The following SDK2 variants were observed in gnomAD, a reference collection of about 807,000 sequenced individuals.
The protein encoded by SDK2 is protein sidekick-2.
In SDK2, 105 loss-of-function variants were observed where a neutral mutation model predicts 253.9. That is an observed-to-expected ratio of 0.41 (90% CI 0.35 to 0.49). The LOEUF (loss-of-function observed/expected upper bound fraction) is 0.49, where lower values mean the gene tolerates loss of function less well. Among genes scored for constraint, SDK2 ranks in the 20% least tolerant of loss-of-function variants. The pLI is 0.06. For missense variants in SDK2, 2,608 were observed against 3,003.0 expected, an observed-to-expected ratio of 0.87 and a Z score of 3.07; for synonymous variants, 1,249 against 1,234.9, an observed-to-expected ratio of 1.01 and a Z score of -0.24.
At chr17:73,418,021 T>TG (rs938607924) in intron 16 of SDK2, among the ~76,000 whole-genome samples, 1 of 148,530 alleles carries the variant, frequency 6.7e-6, no homozygotes, top group African/African-American at 2.5e-5. Context: ...TTTTTTTTTT[T>TG]TTTTTTTGTT....
intron 2 of SDK2, among the ~76,000 whole-genome samples, chr17:73,498,903 G>T (rs2063864450): frequency 6.6e-6 from 1 of 152,184 alleles, no homozygotes; most frequent in Non-Finnish European, 1.5e-5. Flanking sequence ...GAAGATCCTG[G>T]GTGAAACCTG....
chr17:73,425,206 C>T (rs965571795), intron 12 of SDK2, among the ~76,000 whole-genome samples: 3 of 151,740 alleles, frequency 2.0e-5, no homozygotes, highest in African/African-American at 4.8e-5. Context: ...GGCGACACAG[C>T]AAAACTCCAT....
At chr17:73,471,992 T>G (rs893435438) in intron 3 of SDK2, 120 bp downstream of exon 3, 1 of 716,398 alleles carries the variant, frequency 1.4e-6, no homozygotes, top group African/African-American at 1.8e-5. Context: ...AGGGGCACCA[T>G]GGGCACTCAG....
chr17:73,371,287 T>C (rs1330206502), intron 36 of SDK2, among the ~76,000 whole-genome samples: 1 of 151,790 alleles, frequency 6.6e-6, no homozygotes, highest in Non-Finnish European at 1.5e-5. Flanking sequence ...ACTGGGAGAA[T>C]GAATGGATTC....
At chr17:73,558,010 T>C in intron 1 of SDK2, among the ~76,000 whole-genome samples, 1 of 152,226 alleles carries the variant, frequency 6.6e-6, no homozygotes. Flanking sequence ...TCTCTTGTTC[T>C]AGGACCCTCC....
At chr17:73,371,829 G>A (rs1211991340) in intron 36 of SDK2, among the ~76,000 whole-genome samples, 3 of 151,930 alleles carry the variant, frequency 2.0e-5, no homozygotes, top group Admixed American at 6.6e-5. Context: ...GCATGGTGGC[G>A]GATGCCTGTA....
chr17:73,408,342 C>T (rs1279734268), intron 18 of SDK2, among the ~76,000 whole-genome samples: 1 of 151,536 alleles, frequency 6.6e-6, no homozygotes, highest in South Asian at 2.1e-4. Context: ...CTCAGCCTCC[C>T]GAGTAGCTGG....
In SDK2 at chr17:73,467,899, G is replaced by A. The variant is rs761101468; in HGVS notation, c.331+4213C>T. 1.3e-5 allele frequency among the ~76,000 whole-genome samples: 2 copies of A among 152,180 alleles called. No homozygotes were observed. Among genetic ancestry groups the A allele is most frequent in the Non-Finnish European group, 2.9e-5 (2 of 68,028 alleles). On this transcript the variant is annotated intron_variant, in intron 3 of 44. Transcript: ENST00000392650. The surrounding 1 kb of genome is among the most constrained non-coding windows in gnomAD (Gnocchi z 4.1). ...CAGGGAGCTGCAGCTGGTGGACAGG[G>A]GGAGGTTAACCTGGGTCTCTCTCTC...
intron 36 of SDK2, among the ~76,000 whole-genome samples, chr17:73,377,956 T>C (rs1007249829): frequency 6.6e-6 from 1 of 152,046 alleles, no homozygotes; most frequent in Non-Finnish European, 1.5e-5. Flanking sequence ...AAATTGGAAC[T>C]CAGTTTCCTC....
intron 1 of SDK2, among the ~76,000 whole-genome samples, chr17:73,537,770 T>A (rs72845732): frequency 0.012 from 1,868 of 152,298 alleles, 22 homozygotes; most frequent in Non-Finnish European, 0.018. Context: ...CCCGGCTGCA[T>A]AGACTCAGAT....
At chr17:73,638,710 C>G (rs190426809) in intron 1 of SDK2, among the ~76,000 whole-genome samples, 69 of 151,264 alleles carry the variant, frequency 4.6e-4, no homozygotes, top group African/African-American at 1.7e-3. Flanking sequence ...GTAATGGACA[C>G]ATTATAAGAA....
chr17:73,433,961 A>G, intron 9 of SDK2, 113 bp from the exon 10 acceptor site: 2 of 671,232 alleles, frequency 3.0e-6, no homozygotes, highest in Admixed American at 6.2e-5. Context: ...TCCCCCTGCC[A>G]TGGTGAGGGG....
intron 1 of SDK2, among the ~76,000 whole-genome samples, chr17:73,619,340 T>C (rs1308477413): frequency 6.6e-6 from 1 of 151,990 alleles, no homozygotes; most frequent in African/African-American, 2.4e-5. Flanking sequence ...CAGCTAACCC[T>C]CCAGCAGAAA....
chr17:73,403,071 T>C (rs376088401), intron 18 of SDK2, among the ~76,000 whole-genome samples: 9 of 152,192 alleles, frequency 5.9e-5, no homozygotes, highest in Admixed American at 5.9e-4. Context: ...AGTGCTGGGA[T>C]TACAGGCATG....
At position 73,471,298 on chromosome 17, in the gene SDK2, G is replaced by A. The variant is rs374402492; in HGVS notation, c.331+814C>T. Among the ~76,000 whole-genome samples the A allele has an allele frequency of 5.1e-4, 78 of 152,248 alleles. No individual in the cohort carries two copies. The East Asian group carries it at 0.013, about 25-fold the overall frequency. On this transcript the variant is annotated intron_variant, in intron 3 of 44. Transcript: ENST00000392650. ...CACTCCAGGGTTGAGCGAGTTGGAGGATGGAAAATAAAAGTCATACTGGGC... is the reference window on the plus strand; with the variant it reads ...CACTCCAGGGTTGAGCGAGTTGGAGAATGGAAAATAAAAGTCATACTGGGC...
At chr17:73,468,219 G>T (rs1371676369) in intron 3 of SDK2, among the ~76,000 whole-genome samples, 5 of 152,192 alleles carry the variant, frequency 3.3e-5, no homozygotes, top group Non-Finnish European at 5.9e-5. Flanking sequence ...ATTCTGCTCT[G>T]TGGCCTGCTT....
intron 44 of SDK2, among the ~76,000 whole-genome samples, chr17:73,343,311 T>G (rs2062455430): frequency 6.6e-6 from 1 of 152,236 alleles, no homozygotes; most frequent in South Asian, 2.1e-4. Flanking sequence ...CTGGTCTGCC[T>G]CTTCCCCCGC....
intron 1 of SDK2, among the ~76,000 whole-genome samples, chr17:73,546,310 C>A (rs559237145): frequency 6.6e-6 from 1 of 152,228 alleles, no homozygotes; most frequent in African/African-American, 2.4e-5. Flanking sequence ...ACATGGCTCC[C>A]GGGACTTGAC....
In SDK2 at chr17:73,390,456, G is replaced by A. The variant is rs1483388415; in HGVS notation, c.4023C>T (p.Asn1341=). The A allele has an allele frequency of 6.2e-7, 1 of 1,612,576 alleles. No individual in the cohort carries two copies. Among genetic ancestry groups the A allele is most frequent in the South Asian group, 1.1e-5 (1 of 90,836 alleles). ...CAGTGGCGGTGTTGGCCGTGGTGGTGTTGAGCCGGTGTGTGATCTGGTAAG... is the reference window on the plus strand; with the variant it reads ...CAGTGGCGGTGTTGGCCGTGGTGGTATTGAGCCGGTGTGTGATCTGGTAAG... ...ILAYQITHRL[N]TTTANTATVE... is the part of the protein sequence containing the mutation. The change falls in exon 29 of 45, where the codon AAC becomes AAT. Residue 1341 remains asparagine, a synonymous_variant. Transcript: ENST00000392650.
Sources: allele counts gnomAD v4.1 joint callset (sites outside exome capture counted in the v4.1 genomes callset), GRCh38; gene constraint gnomAD v4.1.1; non-coding constraint Gnocchi (gnomAD v3.1); transcripts MANE v1.5; gene names NCBI Gene and HGNC (gene_info 2026-07-23, HGNC 2026-07-21).